TJP1: variants seen among roughly 807,000 people sequenced by gnomAD.
TJP1 encodes the protein tight junction protein 1.
TJP1 carries 43 observed loss-of-function variants against 194.2 expected under a neutral mutation model. The observed-to-expected ratio is 0.22, with a 90% CI of 0.17 to 0.29. The LOEUF (loss-of-function observed/expected upper bound fraction) is 0.29, where lower values mean the gene tolerates loss of function less well. Among genes scored for constraint, TJP1 ranks in the 10% least tolerant of loss-of-function variants. The pLI is 1.00. For missense variants in TJP1, 1,971 were observed against 2,185.7 expected (o/e 0.90, Z 1.96); for synonymous variants, 801 against 779.0 (o/e 1.03, Z -0.47).
In TJP1 at chr15:29,797,211, C is replaced by A. The variant is rs370688649; in HGVS notation, c.84+3435G>T. On this transcript the variant is annotated intron_variant, in intron 2 of 27. Transcript: ENST00000614355. ...TCTCCCATGCTGGAGTGCAGTGGCA[C>A]GATGTCAGGGTCATTGCAACCTCTG... 1.8e-4 allele frequency among the ~76,000 whole-genome samples: 27 copies of A among 152,268 alleles called. No individual in the cohort carries two copies. The East Asian group carries it at 3.3e-3, about 19-fold the overall frequency.
intron 18 of TJP1, among the ~76,000 whole-genome samples, chr15:29,723,684 T>G (rs1047729368): frequency 6.6e-6 from 1 of 152,240 alleles, no homozygotes; most frequent in Non-Finnish European, 1.5e-5. Flanking sequence ...TTTATTATTT[T>G]TCATAGAAAC....
At chr15:29,795,919 A>T (rs1300227646) in intron 2 of TJP1, among the ~76,000 whole-genome samples, 2 of 152,176 alleles carry the variant, frequency 1.3e-5, no homozygotes, top group Non-Finnish European at 2.9e-5. Flanking sequence ...TCATACACAC[A>T]CAAAAAAAAG....
intron 8 of TJP1, among the ~76,000 whole-genome samples, chr15:29,750,668 A>G (rs1252537205): frequency 6.6e-6 from 1 of 152,190 alleles, no homozygotes; most frequent in East Asian, 1.9e-4. Context: ...TATTTTAAAA[A>G]TAACCTTAAT....
At chr15:29,787,901 T>G (rs1424921396) in intron 2 of TJP1, among the ~76,000 whole-genome samples, 1 of 152,206 alleles carries the variant, frequency 6.6e-6, no homozygotes. Context: ...CAAACTGTTT[T>G]CTACAGCAGC....
chr15:29,882,294 G>A (rs1346514462), intron 2 of TJP1, among the ~76,000 whole-genome samples: 2 of 152,106 alleles, frequency 1.3e-5, no homozygotes, highest in African/African-American at 2.4e-5. Context: ...GAAGGGGAGA[G>A]GACATGTCAG....
chr15:29,718,347 G>A lies in TJP1; in HGVS notation c.3795C>T (p.Leu1265=), dbSNP rs577676310. 2 of 1,614,124 alleles carry A rather than the reference G, an allele frequency of 1.2e-6. No individual in the cohort carries two copies. Among genetic ancestry groups the A allele is most frequent in the African/African-American group, 2.7e-5 (2 of 75,030 alleles). The change falls in exon 21 of 28, where the codon CTC becomes CTT. Residue 1265 remains leucine, a synonymous_variant. Transcript: ENST00000614355. The stretch of plus-strand genomic sequence containing the variant: ...TGTTTTCAAACATCTTAACTCTGGT[G>A]AGTACAGACTGTGGCTTCATTGCTG... ...EDPAMKPQSV[L]TRVKMFENKR...
Position 29,822,139 on chromosome 15 carries a change from G to C in TJP1, c.-111C>G. The C allele has an allele frequency of 1.7e-6, 2 of 1,195,582 alleles. No individual in the cohort carries two copies. The highest frequency in any genetic ancestry group is 1.6e-5 in the African/African-American group (1 of 63,038). The allele number at this position is 1,195,582 out of a possible 1,614,324, so 74.1% of individuals were successfully genotyped here. A position where few individuals can be genotyped will look rare whatever the true frequency, so the allele number is the denominator to read the frequency against. Reference sequence around the variant, plus strand: ...ATAAACATCTCCCGAGAGCGAGCGGGGCACGGGCGGGGGCGGCCGGAAGGG... The same window carrying C: ...ATAAACATCTCCCGAGAGCGAGCGGCGCACGGGCGGGGGCGGCCGGAAGGG... On this transcript the variant is annotated 5_prime_UTR_variant, in exon 1 of 28. Transcript: ENST00000614355.
chr15:29,938,582 C>G (rs2054960233), intron 2 of TJP1, among the ~76,000 whole-genome samples: 1 of 152,214 alleles, frequency 6.6e-6, no homozygotes, highest in African/African-American at 2.4e-5. Context: ...TGTCATTCGA[C>G]TACCACCCCC....
chr15:29,885,699 C>T (rs2152142657), intron 2 of TJP1, among the ~76,000 whole-genome samples: 1 of 152,294 alleles, frequency 6.6e-6, no homozygotes, highest in Admixed American at 6.5e-5. Flanking sequence ...ATTTGGGCAT[C>T]TAAGAACATC....
intron 2 of TJP1, among the ~76,000 whole-genome samples, chr15:29,797,584 A>T (rs1214459897): frequency 7.8e-6 from 1 of 129,012 alleles, no homozygotes; most frequent in Admixed American, 7.3e-5. Flanking sequence ...GAATACGTTA[A>T]AAAAAAAAAA....
chr15:29,951,279 T>C (rs1056135888), intron 2 of TJP1, among the ~76,000 whole-genome samples: 118 of 152,202 alleles, frequency 7.8e-4, no homozygotes, highest in African/African-American at 2.7e-3. Context: ...GTGATTCTTC[T>C]GCCTCAGCCT....
intron 1 of TJP1, among the ~76,000 whole-genome samples, chr15:29,960,564 A>G (rs555311710): frequency 6.6e-6 from 1 of 151,454 alleles, no homozygotes; most frequent in East Asian, 2.0e-4. Flanking sequence ...TAAGGCCAGG[A>G]CGTCGAGGTT....
At chr15:29,881,460 T>C (rs1350862194) in intron 2 of TJP1, among the ~76,000 whole-genome samples, 2 of 152,214 alleles carry the variant, frequency 1.3e-5, no homozygotes, top group African/African-American at 4.8e-5. Context: ...AGGCAGTCCA[T>C]TGTGGTAGTA....
At position 29,734,372 on chromosome 15, in the gene TJP1, A is replaced by C; in HGVS notation, c.1418T>G (p.Val473Gly). The C allele has an allele frequency of 1.2e-6, 2 of 1,609,738 alleles. No homozygotes were observed. The highest frequency in any genetic ancestry group is 1.7e-6 in the Non-Finnish European group (2 of 1,177,468). The change falls in exon 12 of 28, where the codon GTA (valine) becomes GGA (glycine). Residue 473 changes from valine (V) to glycine (G), a missense_variant. Val to Gly is a moderately radical substitution (Grantham distance 109). Coordinates refer to ENST00000614355, the MANE Select transcript of TJP1 (RefSeq NM_001330239.4). Reference protein sequence around the residue: ...EGDQILRVNNVDFTNIIREEA... With the variant: ...EGDQILRVNNGDFTNIIREEA... ...TTCTCTTATGATATTTGTAAAATCT[A>C]CGTTGTTTACCTAATAAATAAGATT... is the stretch of plus-strand genomic sequence containing the variant.
At chr15:29,860,998 G>A (rs184329169) in intron 2 of TJP1, among the ~76,000 whole-genome samples, 37 of 152,322 alleles carry the variant, frequency 2.4e-4, no homozygotes, top group African/African-American at 8.7e-4. Flanking sequence ...AAAGAATTGT[G>A]TGATTCACAT....
chr15:29,932,375 G>T (rs1372701818), intron 2 of TJP1, among the ~76,000 whole-genome samples: 1 of 152,186 alleles, frequency 6.6e-6, no homozygotes, highest in Non-Finnish European at 1.5e-5. Flanking sequence ...TTATAGATCA[G>T]TATGGAAAGG....
intron 18 of TJP1, among the ~76,000 whole-genome samples, chr15:29,722,988 C>T (rs2043024335): frequency 6.6e-6 from 1 of 152,156 alleles, no homozygotes; most frequent in Non-Finnish European, 1.5e-5. Context: ...GGAGTATTTA[C>T]CCAATGTTTA....
intron 2 of TJP1, among the ~76,000 whole-genome samples, chr15:29,791,148 T>A (rs2048055471): frequency 6.6e-6 from 1 of 152,016 alleles, no homozygotes; most frequent in African/African-American, 2.4e-5. Flanking sequence ...TGCCTCAGCC[T>A]CCTGAGTATC....
chr15:29,869,852 GCT>G (rs2052445978), intron 2 of TJP1, among the ~76,000 whole-genome samples: 1 of 122,910 alleles, frequency 8.1e-6, no homozygotes, highest in Non-Finnish European at 1.6e-5. Context: ...TGTTGCCCAG[GCT>G]GGAGTGCAGT....
Sources: allele counts gnomAD v4.1 joint callset (sites outside exome capture counted in the v4.1 genomes callset), GRCh38; gene constraint gnomAD v4.1.1; transcripts MANE v1.5; gene names NCBI Gene and HGNC (gene_info 2026-07-23, HGNC 2026-07-21).